The following ELAVL4 variants were observed in gnomAD, a reference collection of about 807,000 sequenced individuals.
ELAVL4 encodes ELAV like RNA binding protein 4, also known as ELAV-like protein 4.
Under a neutral mutation model 35.6 loss-of-function variants are expected in ELAVL4, and 1 was observed. That is an observed-to-expected ratio of 0.03 (90% CI 0.01 to 0.13). ELAVL4 has a LOEUF of 0.13. Among genes scored for constraint, ELAVL4 ranks in the 10% least tolerant of loss-of-function variants. The pLI, the probability that ELAVL4 is intolerant of heterozygous loss-of-function variation, is 1.00. For missense variants in ELAVL4, 267 were observed against 464.9 expected (o/e 0.57, Z 3.91); for synonymous variants, 156 against 171.0 (o/e 0.91, Z 0.69).
At chr1:50,064,840 CTG>C (rs1343411363) in intron 1 of ELAVL4, among the ~76,000 whole-genome samples, 1 of 152,168 alleles carries the variant, frequency 6.6e-6, no homozygotes, top group Non-Finnish European at 1.5e-5. Flanking sequence ...TCATCTCTTA[CTG>C]TTCCTTTAGC....
At chr1:50,051,250 T>C (rs2148467953) in intron 1 of ELAVL4, among the ~76,000 whole-genome samples, 1 of 152,294 alleles carries the variant, frequency 6.6e-6, no homozygotes, top group Admixed American at 6.5e-5. Context: ...GCTCCTCTCA[T>C]ATTCCCTCAA....
intron 1 of ELAVL4, among the ~76,000 whole-genome samples, chr1:50,125,891 G>A (rs1476834576): frequency 6.6e-6 from 1 of 151,970 alleles, no homozygotes; most frequent in African/African-American, 2.4e-5. Flanking sequence ...CTTACTTGTA[G>A]TGGGGTCTTG....
intron 2 of ELAVL4, among the ~76,000 whole-genome samples, chr1:50,158,899 A>G (rs2148746347): frequency 6.6e-6 from 1 of 152,084 alleles, no homozygotes; most frequent in East Asian, 1.9e-4. Context: ...CAAGCTGTGC[A>G]TGGTGGCAGG....
intron 1 of ELAVL4, among the ~76,000 whole-genome samples, chr1:50,120,920 C>A (rs1254895398): frequency 6.6e-6 from 1 of 152,028 alleles, no homozygotes; most frequent in African/African-American, 2.4e-5. Context: ...TGCTTATTTT[C>A]TCCAGTATAA....
intron 1 of ELAVL4, among the ~76,000 whole-genome samples, chr1:50,060,644 G>A (rs1229404515): frequency 6.6e-6 from 1 of 152,154 alleles, no homozygotes; most frequent in East Asian, 1.9e-4. Context: ...CTACTGCACT[G>A]CCACCAGTAT....
intron 1 of ELAVL4, among the ~76,000 whole-genome samples, chr1:50,115,636 G>A (rs992241398): frequency 6.6e-6 from 1 of 151,942 alleles, no homozygotes; most frequent in Non-Finnish European, 1.5e-5. Flanking sequence ...CAGCGAAGAT[G>A]GTGAATTCTG....
intron 2 of ELAVL4, among the ~76,000 whole-genome samples, chr1:50,151,500 G>A (rs1039483804): frequency 2.0e-5 from 3 of 151,916 alleles, no homozygotes; most frequent in Admixed American, 6.6e-5. Context: ...GTATTGAAAT[G>A]GATGCTGCCT....
chr1:50,185,376 A>G (rs542429390), intron 3 of ELAVL4, among the ~76,000 whole-genome samples: 1 of 152,370 alleles, frequency 6.6e-6, no homozygotes, highest in South Asian at 2.1e-4. Flanking sequence ...TTCCAGTTCC[A>G]ACAGTATAAC....
upstream of ELAVL4, among the ~76,000 whole-genome samples, chr1:50,101,374 A>G (rs912473984): frequency 6.6e-6 from 1 of 152,152 alleles, no homozygotes; most frequent in Admixed American, 6.5e-5. Flanking sequence ...AATCTTTTGT[A>G]TTTCTCCTAT....
chr1:50,171,882 C>T (rs1018670), intron 2 of ELAVL4, among the ~76,000 whole-genome samples: 56,643 of 151,996 alleles, frequency 0.37, 11,111 homozygotes, highest in East Asian at 0.77. Flanking sequence ...ATGTGGATTA[C>T]TGCCATGCAG....
chr1:50,053,064 CT>C (rs1179560469), intron 1 of ELAVL4, among the ~76,000 whole-genome samples: 27 of 152,128 alleles, frequency 1.8e-4, no homozygotes, highest in African/African-American at 5.8e-4. Context: ...ATTGCAAACG[CT>C]TATTATCTAT....
intron 1 of ELAVL4, among the ~76,000 whole-genome samples, chr1:50,074,948 A>G (rs901036082): frequency 6.6e-6 from 1 of 152,260 alleles, no homozygotes; most frequent in Admixed American, 6.5e-5. Context: ...AGGGGATAGC[A>G]TAAATAATAG....
intron 1 of ELAVL4, chr1:50,115,382 T>G (rs1199022728): frequency 6.6e-6 from 1 of 152,096 alleles, no homozygotes; most frequent in African/African-American, 2.4e-5. Context: ...TGGAAAGTCT[T>G]ATTTTTAACC....
intron 1 of ELAVL4, among the ~76,000 whole-genome samples, chr1:50,096,439 A>T (rs959891232): frequency 4.7e-5 from 7 of 150,234 alleles, no homozygotes; most frequent in Middle Eastern, 3.4e-3. Context: ...AAGTGTTGTG[A>T]GAGAATAGAT....
At chr1:50,160,720 A>C (rs146648728) in intron 2 of ELAVL4, among the ~76,000 whole-genome samples, 1 of 152,192 alleles carries the variant, frequency 6.6e-6, no homozygotes, top group Non-Finnish European at 1.5e-5. Context: ...TATTTATCTC[A>C]TCTCCTTGAG....
chr1:50,192,818 A>G (rs1043423723), intron 3 of ELAVL4, among the ~76,000 whole-genome samples: 8 of 152,190 alleles, frequency 5.3e-5, no homozygotes, highest in African/African-American at 1.9e-4. Flanking sequence ...AAATAAATAA[A>G]TAAGTAAATG....
chr1:50,118,758 A>G (rs1052158379), intron 1 of ELAVL4, among the ~76,000 whole-genome samples: 2 of 151,976 alleles, frequency 1.3e-5, no homozygotes, highest in Non-Finnish European at 2.9e-5. Flanking sequence ...TCCTGAAGGG[A>G]TTCAAGATTC....
At chr1:50,082,343 T>C (rs1407339862) in intron 1 of ELAVL4, among the ~76,000 whole-genome samples, 1 of 152,230 alleles carries the variant, frequency 6.6e-6, no homozygotes, top group African/African-American at 2.4e-5. Context: ...CAGCATCTGT[T>C]ATTTCCTGAC....
At position 50,087,409 on chromosome 1, in the gene ELAVL4, A is replaced by G. The variant is rs77944806; in HGVS notation, c.18+39227A>G. 5.8e-3 allele frequency among the ~76,000 whole-genome samples: 881 copies of G among 152,302 alleles called. 6 individuals are homozygous for G. The highest frequency in any genetic ancestry group is 9.7e-3 in the Non-Finnish European group (662 of 68,016). On this transcript the variant is annotated intron_variant, in intron 1 of 6. Transcript: ENST00000448907. ...TTTCTCACAATCTTCAGAGGTGTAT[A>G]GTTTACAACTGTGGCTATGTACAAC... is the stretch of plus-strand genomic sequence containing the variant.
Sources: gnomAD v4.1 joint callset for allele counts (sites outside exome capture counted in the v4.1 genomes callset) on GRCh38, gnomAD v4.1.1 for gene constraint, MANE v1.5 for transcripts, NCBI Gene and HGNC (gene_info 2026-07-23, HGNC 2026-07-21) for gene names.